The following ZBTB8A variants were observed in gnomAD, a reference collection of about 807,000 sequenced individuals.
ZBTB8A encodes the protein zinc finger and BTB domain containing 8A, also known as zinc finger and BTB domain-containing protein 8A.
Under a neutral mutation model 37.8 loss-of-function variants are expected in ZBTB8A, and 19 were observed. That is an observed-to-expected ratio of 0.50 (90% confidence interval 0.35 to 0.74). The LOEUF (loss-of-function observed/expected upper bound fraction) is 0.74. ZBTB8A is among the 30% of genes least tolerant of loss of function. The pLI, the probability that ZBTB8A is intolerant of heterozygous loss-of-function variation, is 0.01. For missense variants in ZBTB8A, 394 were observed against 537.8 expected (o/e 0.73, Z 2.65); for synonymous variants, 181 against 185.2 (o/e 0.98, Z 0.19).
chr1:32,603,637 A>G lies in ZBTB8A; in HGVS notation c.*3218A>G, dbSNP rs1644594953. On this transcript the variant is annotated 3_prime_UTR_variant, in exon 5 of 5. Coordinates refer to ENST00000373510, the MANE Select transcript of ZBTB8A (RefSeq NM_001040441.3). ...TGTGTACTCTAATGCACTTTAGTCTATGATCTAAATGTCCTTTTATGCTAT... is the reference window on the plus strand; with the variant it reads ...TGTGTACTCTAATGCACTTTAGTCTGTGATCTAAATGTCCTTTTATGCTAT... 6.5e-6 allele frequency: 1 copy of G among 152,678 alleles called. No homozygotes were observed. Among genetic ancestry groups the G allele is most frequent in the Admixed American group, 6.5e-5 (1 of 15,276 alleles). 9.5% of individuals were successfully genotyped at this position (152,678 alleles called of 1,614,324 possible).
intron 2 of ZBTB8A, among the ~76,000 whole-genome samples, chr1:32,560,324 C>A (rs1461914545): frequency 2.0e-5 from 3 of 152,186 alleles, no homozygotes; most frequent in East Asian, 3.8e-4. Flanking sequence ...TCTGCACTGT[C>A]CCAGGACTCC....
Position 32,593,632 on chromosome 1 carries a change from C to T in ZBTB8A, c.701C>T (p.Ser234Phe). 6.2e-7 allele frequency: 1 copy of T among 1,614,188 alleles called. No individual in the cohort carries two copies. ...YKSSKREVRT[S>F]DSSSHVSQSE... The stretch of plus-strand genomic sequence containing the variant: ...TCAAGCAAACGAGAAGTACGAACAT[C>T]TGATTCTTCCAGCCATGTTTCCCAG... The change falls in exon 3 of 5, where the codon TCT (serine) becomes TTT (phenylalanine). Residue 234 changes from serine to phenylalanine, a missense_variant. Physicochemically the swap from Ser to Phe is radical, Grantham distance 155. Coordinates refer to ENST00000373510, the MANE Select transcript of ZBTB8A (RefSeq NM_001040441.3).
chr1:32,578,288 G>T (rs1337095702), intron 2 of ZBTB8A, among the ~76,000 whole-genome samples: 1 of 150,258 alleles, frequency 6.7e-6, no homozygotes, highest in South Asian at 2.1e-4. Context: ...TGTTGGGCAG[G>T]CTGGTCTCAA....
At chr1:32,595,722 T>C (rs1644525541) in intron 4 of ZBTB8A, among the ~76,000 whole-genome samples, 1 of 151,398 alleles carries the variant, frequency 6.6e-6, no homozygotes, top group Non-Finnish European at 1.5e-5. Context: ...CCATCTCAGC[T>C]CACTGCAGCC....
rs537774677 is a variant in ZBTB8A at position 32,600,336 on chromosome 1, G to T, written c.1243G>T (p.Asp415Tyr). 1 of 1,614,178 alleles carries T rather than the reference G, an allele frequency of 6.2e-7. No homozygotes were observed. Among genetic ancestry groups the T allele is most frequent in the East Asian group, 2.2e-5 (1 of 44,884 alleles). ...ENRSYVEIVE[D>Y]GSADLVIQQV... ...TAGATCCTATGTGGAGATTGTAGAA[G>T]ATGGGTCTGCTGATCTGGTCATCCA... Residue 415 changes from aspartate to tyrosine, a missense_variant, in exon 5 of 5, where the codon GAT becomes TAT. By Grantham distance (160) the Asp-to-Tyr change is radical. This residue lies in a region of ZBTB8A where 85 missense variants were observed against 89.0 expected (regional missense o/e 0.95). Coordinates refer to ENST00000373510, the MANE Select transcript of ZBTB8A (RefSeq NM_001040441.3).
rs1163101235 is a variant in ZBTB8A, at chr1:32,593,509, C to G, written c.578C>G (p.Thr193Ser). The G allele has an allele frequency of 6.2e-7, 1 of 1,614,114 alleles. No homozygotes were observed. The highest frequency in any genetic ancestry group is 8.5e-7 in the Non-Finnish European group (1 of 1,180,038). Reference sequence around the variant, plus strand: ...TATCATCCAGCCTCCCAGAAGAATACTCAACAACCCTTGGCCAAGCATGAA... The same window carrying G: ...TATCATCCAGCCTCCCAGAAGAATAGTCAACAACCCTTGGCCAAGCATGAA... ...YNYHPASQKNTQQPLAKHEPR... is the reference protein window; with the variant it reads ...YNYHPASQKNSQQPLAKHEPR... The change falls in exon 3 of 5, where the codon ACT becomes AGT. Residue 193 changes from threonine (T) to serine (S), a missense_variant. This residue lies in a region of ZBTB8A where 171 missense variants were observed against 186.8 expected (regional missense o/e 0.92). Transcript: ENST00000373510.
At chr1:32,542,309 C>G (rs1271411743) in intron 1 of ZBTB8A, among the ~76,000 whole-genome samples, 1 of 120,750 alleles carries the variant, frequency 8.3e-6, no homozygotes, top group African/African-American at 3.1e-5. Context: ...AATTCCAACA[C>G]TTTGGGAGGC....
chr1:32,596,647 G>A (rs1448661208), intron 4 of ZBTB8A, among the ~76,000 whole-genome samples: 1 of 152,072 alleles, frequency 6.6e-6, no homozygotes, highest in Non-Finnish European at 1.5e-5. Context: ...TGAGGGAAAT[G>A]TTTTCACACA....
intron 2 of ZBTB8A, among the ~76,000 whole-genome samples, chr1:32,559,532 C>G (rs573370066): frequency 1.4e-4 from 22 of 152,148 alleles, no homozygotes; most frequent in Admixed American, 6.6e-5. Context: ...GGCATGATCA[C>G]GGCTCGCTGC....
chr1:32,601,415 A>G lies in ZBTB8A; in HGVS notation c.*996A>G, dbSNP rs907898486. 8.6e-6 allele frequency: 3 copies of G among 349,072 alleles called. No homozygotes were observed. Among genetic ancestry groups the G allele is most frequent in the African/African-American group, 6.3e-5 (3 of 47,264 alleles). The allele number at this position is 349,072 out of a possible 1,614,324, so 21.6% of individuals were successfully genotyped here. A position where few individuals can be genotyped will look rare whatever the true frequency, so the allele number is the denominator to read the frequency against. On this transcript the variant is annotated 3_prime_UTR_variant, in exon 5 of 5. Transcript: ENST00000373510. Reference sequence around the variant, plus strand: ...ATTGAACCTGGAAGGCAGAAGTTGCAGTGAGCCGAGATCACACCATTGCAC... The same window carrying G: ...ATTGAACCTGGAAGGCAGAAGTTGCGGTGAGCCGAGATCACACCATTGCAC...
At chr1:32,557,224 C>T (rs1195856643) in intron 2 of ZBTB8A, among the ~76,000 whole-genome samples, 1 of 152,054 alleles carries the variant, frequency 6.6e-6, no homozygotes. Flanking sequence ...ATCACTTGAA[C>T]CTGGGAGGCA....
intron 1 of ZBTB8A, among the ~76,000 whole-genome samples, chr1:32,551,085 C>G (rs928148327): frequency 9.9e-5 from 15 of 152,114 alleles, no homozygotes; most frequent in African/African-American, 1.4e-4. Flanking sequence ...TCTCTGAATG[C>G]CCTTCTAACT....
At chr1:32,571,252 G>C (rs913924502) in intron 2 of ZBTB8A, among the ~76,000 whole-genome samples, 2 of 152,242 alleles carry the variant, frequency 1.3e-5, no homozygotes, top group African/African-American at 4.8e-5. Flanking sequence ...AAATAGTTGA[G>C]AGCACAAATC....
At chr1:32,551,171 C>G (rs1202911559) in intron 1 of ZBTB8A, among the ~76,000 whole-genome samples, 1 of 152,098 alleles carries the variant, frequency 6.6e-6, no homozygotes, top group Non-Finnish European at 1.5e-5. Flanking sequence ...TTGGGCCAGG[C>G]ACAGTGGCTC....
At chr1:32,584,116 A>C (rs1346530781) in intron 2 of ZBTB8A, among the ~76,000 whole-genome samples, 1 of 152,132 alleles carries the variant, frequency 6.6e-6, no homozygotes, top group Non-Finnish European at 1.5e-5. Flanking sequence ...GAAGATGGCC[A>C]TATGAAGACA....
intron 2 of ZBTB8A, among the ~76,000 whole-genome samples, chr1:32,582,335 C>A (rs1019606452): frequency 1.3e-5 from 2 of 152,034 alleles, no homozygotes; most frequent in Non-Finnish European, 2.9e-5. Flanking sequence ...GCTTCTGGTC[C>A]CAAGCATTTT....
In ZBTB8A at chr1:32,604,976, C is replaced by A. The variant is rs1484797581; in HGVS notation, c.*4557C>A. Reference sequence around the variant, plus strand: ...GACCATCCTGGCCAACATGGTGAAACCCCGTCTCTAGTAAAAATACAAAAA... The same window carrying A: ...GACCATCCTGGCCAACATGGTGAAAACCCGTCTCTAGTAAAAATACAAAAA... On this transcript the variant is annotated 3_prime_UTR_variant, in exon 5 of 5. Transcript: ENST00000373510. 1 of 151,348 alleles carries A rather than the reference C, an allele frequency of 6.6e-6. No individual in the cohort carries two copies. Among genetic ancestry groups the A allele is most frequent in the African/African-American group, 2.4e-5 (1 of 41,108 alleles). The allele number at this position is 151,348 out of a possible 1,614,324, so 9.4% of individuals were successfully genotyped here.
In ZBTB8A at chr1:32,584,125, C is replaced by T. The variant is rs113508288; in HGVS notation, c.-1-8806C>T. On this transcript the variant is annotated intron_variant, in intron 2 of 4. Coordinates refer to ENST00000373510, the MANE Select transcript of ZBTB8A (RefSeq NM_001040441.3). ...CAGGGAGAAGATGGCCATATGAAGA[C>T]AGAGGCAGAGATTGGGGATAAGCTG... Among the ~76,000 whole-genome samples the T allele has an allele frequency of 3.1e-4, 47 of 152,118 alleles. 1 individual carries two copies. The highest frequency in any genetic ancestry group is 1.0e-3 in the African/African-American group (43 of 41,508).
At chr1:32,554,973 C>T (rs776233691) in intron 2 of ZBTB8A, among the ~76,000 whole-genome samples, 1 of 152,140 alleles carries the variant, frequency 6.6e-6, no homozygotes, top group Non-Finnish European at 1.5e-5. Context: ...GTTACTTGCC[C>T]ATGGACATAA....
Sources: allele counts gnomAD v4.1 joint callset (sites outside exome capture counted in the v4.1 genomes callset), GRCh38; gene constraint gnomAD v4.1.1; regional missense constraint gnomAD v4.1.1; transcripts MANE v1.5; gene names NCBI Gene and HGNC (gene_info 2026-07-23, HGNC 2026-07-21).